The following MSR1 variants were observed in gnomAD, a reference collection of about 807,000 sequenced individuals.
MSR1 encodes the protein macrophage scavenger receptor 1, also known as macrophage scavenger receptor types I and II.
A neutral mutation model predicts 47.2 loss-of-function variants in MSR1; 53 were observed. The observed-to-expected ratio is 1.12, with a 90% CI of 0.90 to 1.41. The LOEUF (loss-of-function observed/expected upper bound fraction) is 1.41, where lower values mean the gene tolerates loss of function less well. Among genes scored for constraint, MSR1 ranks in the 40% most tolerant of loss-of-function variants. The pLI is 0.00. For missense variants in MSR1, 786 were observed against 546.9 expected, an observed-to-expected ratio of 1.44 and a Z score of -4.36; for synonymous variants, 239 against 185.6, an observed-to-expected ratio of 1.29 and a Z score of -2.34.
chr8:16,115,048 G>T (rs1799846448), intron 9 of MSR1, among the ~76,000 whole-genome samples: 1 of 151,886 alleles, frequency 6.6e-6, no homozygotes, highest in African/African-American at 2.4e-5. Flanking sequence ...GTGTGGTGGT[G>T]CATGCCTGTA....
chr8:16,165,827 T>G (rs56934229), intron 4 of MSR1, among the ~76,000 whole-genome samples: 284 of 152,164 alleles, frequency 1.9e-3, no homozygotes, highest in African/African-American at 5.8e-3. Flanking sequence ...CTTACCAGCT[T>G]TTATTGCTCT....
rs1240366844 is a variant in MSR1, at chr8:16,143,625, G to T, written c.980-14C>A. On this transcript the variant is annotated splice_polypyrimidine_tract_variant and intron_variant, in intron 7 of 9. Transcript: ENST00000262101. ...GTCCAGAATTTCCTTGAGAAAAGAA[G>T]AAAAATATTTGTTTTTAATCAGGGC... 1 of 1,609,232 alleles carries T rather than the reference G, an allele frequency of 6.2e-7. No individual in the cohort carries two copies. Among genetic ancestry groups the T allele is most frequent in the Admixed American group, 1.7e-5 (1 of 59,914 alleles).
intron 1 of MSR1, among the ~76,000 whole-genome samples, chr8:16,191,805 A>G (rs756300328): frequency 2.0e-5 from 3 of 152,108 alleles, no homozygotes; most frequent in Non-Finnish European, 4.4e-5. Context: ...GCAAATGCCA[A>G]CCTCCCATTA....
intron 1 of MSR1, among the ~76,000 whole-genome samples, chr8:16,185,209 G>A (rs1348585838): frequency 6.6e-6 from 1 of 151,682 alleles, no homozygotes; most frequent in Non-Finnish European, 1.5e-5. Flanking sequence ...AGGATTTGTG[G>A]CATTTTCTGA....
intron 8 of MSR1, among the ~76,000 whole-genome samples, chr8:16,121,746 A>G (rs886242781): frequency 1.3e-5 from 2 of 151,922 alleles, no homozygotes; most frequent in Non-Finnish European, 1.5e-5. Context: ...ATATTATAAA[A>G]AAGATGTAAT....
intron 8 of MSR1, among the ~76,000 whole-genome samples, chr8:16,122,130 G>C (rs1170002403): frequency 6.6e-6 from 1 of 152,064 alleles, no homozygotes; most frequent in African/African-American, 2.4e-5. Flanking sequence ...CTGATTTAGT[G>C]TAAGCATGCC....
intron 1 of MSR1, among the ~76,000 whole-genome samples, chr8:16,178,503 G>A (rs536591776): frequency 5.9e-5 from 9 of 152,130 alleles, no homozygotes; most frequent in South Asian, 4.1e-4. Flanking sequence ...CCAGGCTATC[G>A]TTGGACATTT....
intron 1 of MSR1, 123 bp from the exon 2 acceptor site, chr8:16,178,115 T>TC: frequency 1.4e-6 from 1 of 717,402 alleles, no homozygotes; most frequent in Non-Finnish European, 2.3e-6. Flanking sequence ...TTTTTTTTTT[T>TC]AATTATACTT....
Position 16,110,199 on chromosome 8 carries a change from C to G in MSR1, c.1242G>C (p.Leu414=). The change falls in exon 10 of 10, where the codon CTG becomes CTC. Residue 414 remains leucine (L), a synonymous_variant. Coordinates refer to ENST00000262101, the MANE Select transcript of MSR1 (RefSeq NM_138715.3). ...CTCTCCCAAAACAAAACACTTCATT[C>G]AGCCATATTGGACCAGTACCTGCAA... is the stretch of plus-strand genomic sequence containing the variant. ...HFGQGTGPIW[L]NEVFCFGRES... 1.2e-6 allele frequency: 2 copies of G among 1,613,578 alleles called. No homozygotes were observed. Among genetic ancestry groups the G allele is most frequent in the Non-Finnish European group, 1.7e-6 (2 of 1,179,644 alleles).
intron 1 of MSR1, among the ~76,000 whole-genome samples, chr8:16,184,931 G>A (rs532505710): frequency 4.0e-5 from 6 of 151,870 alleles, no homozygotes; most frequent in Admixed American, 3.3e-4. Context: ...ATGTCTATGA[G>A]TGATTTAGAC....
At chr8:16,170,629 G>C (rs1358745943) in intron 3 of MSR1, among the ~76,000 whole-genome samples, 1 of 152,084 alleles carries the variant, frequency 6.6e-6, no homozygotes, top group African/African-American at 2.4e-5. Context: ...TAATAAAAGT[G>C]ATATGGTGAT....
In MSR1 at chr8:16,150,154, A is replaced by G. The variant is rs1395166843; in HGVS notation, c.979+77T>C. 3.4e-4 allele frequency: 89 copies of G among 261,052 alleles called. 9 individuals carry two copies. Among genetic ancestry groups the G allele is most frequent in the African/African-American group, 2.0e-3 (84 of 41,188 alleles). The allele number at this position is 261,052 out of a possible 1,614,324, so 16.2% of individuals were successfully genotyped here. A position where few individuals can be genotyped will look rare whatever the true frequency, so the allele number is the denominator to read the frequency against. On this transcript the variant is annotated intron_variant, in intron 7 of 9. Coordinates refer to ENST00000262101, the MANE Select transcript of MSR1 (RefSeq NM_138715.3). Reference sequence around the variant, plus strand: ...TGTGTGTGTGTGTATATATATATATATATATATATATATATATAAAATTAT... The same window carrying G: ...TGTGTGTGTGTGTATATATATATATGTATATATATATATATATAAAATTAT...
intron 9 of MSR1, among the ~76,000 whole-genome samples, chr8:16,113,925 A>T (rs1428579835): frequency 1.5e-5 from 2 of 137,014 alleles, no homozygotes; most frequent in African/African-American, 5.5e-5. Context: ...CACCATAATG[A>T]CTACGTAAAT....
At chr8:16,144,536 A>G (rs1012884865) in intron 7 of MSR1, among the ~76,000 whole-genome samples, 7 of 152,144 alleles carry the variant, frequency 4.6e-5, no homozygotes, top group African/African-American at 1.7e-4. Context: ...ATGTAGTTTA[A>G]CAACCATAGA....
At chr8:16,161,769 TC>T (rs542612921) in intron 5 of MSR1, among the ~76,000 whole-genome samples, 89 of 152,142 alleles carry the variant, frequency 5.8e-4, no homozygotes, top group African/African-American at 2.0e-3. Context: ...TATATAGTTT[TC>T]TGGGACTTGT....
At chr8:16,164,023 A>AAT (rs1009490206) in intron 5 of MSR1, 42 bp downstream of exon 5, 8 of 1,445,176 alleles carry the variant, frequency 5.5e-6, no homozygotes, top group African/African-American at 2.8e-5. Context: ...AGTATATTTT[A>AAT]ATATATATAT....
In MSR1 at chr8:16,117,401, C is replaced by G. The variant is rs574711110; in HGVS notation, c.1222+3017G>C. ...ACATTAGCAGAGAGGTGTGACGGCA[C>G]AGAGACAATAGTAAATCAATTGCTT... On this transcript the variant is annotated intron_variant, in intron 9 of 9. Coordinates refer to ENST00000262101, the MANE Select transcript of MSR1 (RefSeq NM_138715.3). 4.6e-5 allele frequency among the ~76,000 whole-genome samples: 7 copies of G among 152,158 alleles called. No individual in the cohort carries two copies. The South Asian group carries it at 1.5e-3, about 32-fold the overall frequency.
chr8:16,175,257 G>C lies in MSR1; in HGVS notation c.147C>G (p.Phe49Leu). 6.2e-7 allele frequency: 1 copy of C among 1,614,058 alleles called. No homozygotes were observed. The highest frequency in any genetic ancestry group is 8.5e-7 in the Non-Finnish European group (1 of 1,179,978). Reference sequence around the variant, plus strand: ...GGTAAAGGGCAATCAGTGCAGCTTTGAAGGACTTCAGTTTCTCTTGAAGGG... The same window carrying C: ...GGTAAAGGGCAATCAGTGCAGCTTTCAAGGACTTCAGTTTCTCTTGAAGGG... ...SPSLQEKLKSFKAALIALYLL... is the reference protein window; with the variant it reads ...SPSLQEKLKSLKAALIALYLL... Residue 49 changes from phenylalanine (F) to leucine (L), a missense_variant, in exon 3 of 10, where the codon TTC becomes TTG. Coordinates refer to ENST00000262101, the MANE Select transcript of MSR1 (RefSeq NM_138715.3).
intron 6 of MSR1, among the ~76,000 whole-genome samples, chr8:16,153,034 A>G (rs11987366): frequency 0.04 from 6,103 of 152,120 alleles, 438 homozygotes; most frequent in African/African-American, 0.14. Context: ...TAGTATATGA[A>G]TAATAATTCT....
Sources: allele counts gnomAD v4.1 joint callset (sites outside exome capture counted in the v4.1 genomes callset), GRCh38; gene constraint gnomAD v4.1.1; transcripts MANE v1.5; gene names NCBI Gene and HGNC (gene_info 2026-07-23, HGNC 2026-07-21).